Variants in HMBOX1 observed in about 807,000 individuals in gnomAD.
HMBOX1 encodes the protein homeobox-containing protein 1.
A neutral mutation model predicts 54.5 loss-of-function variants in HMBOX1; 14 were observed. That is an observed-to-expected ratio of 0.26 (90% CI 0.17 to 0.40). The LOEUF is 0.40. HMBOX1 is among the 10% of genes least tolerant of loss of function. HMBOX1 has a pLI of 1.00. For missense variants in HMBOX1, 332 were observed against 514.4 expected, an observed-to-expected ratio of 0.65 and a Z score of 3.43; for synonymous variants, 160 against 181.0, an observed-to-expected ratio of 0.88 and a Z score of 0.93.
At chr8:29,016,296 T>C (rs991976444) in intron 5 of HMBOX1, among the ~76,000 whole-genome samples, 16 of 152,106 alleles carry the variant, frequency 1.1e-4, no homozygotes, top group African/African-American at 3.6e-4. Flanking sequence ...GAACAACAGA[T>C]AGAAATTCAC....
Position 28,970,603 on chromosome 8 carries a change from T to G in HMBOX1, c.500+84T>G, listed in dbSNP as rs1586176885. 1 of 837,710 alleles carries G rather than the reference T, an allele frequency of 1.2e-6. No homozygotes were observed. Among genetic ancestry groups the G allele is most frequent in the East Asian group, 2.4e-5 (1 of 40,872 alleles). The allele number at this position is 837,710 out of a possible 1,614,324, so 51.9% of individuals were successfully genotyped here. A position where few individuals can be genotyped will look rare whatever the true frequency, so the allele number is the denominator to read the frequency against. On this transcript the variant is annotated intron_variant, in intron 3 of 9. Coordinates refer to ENST00000287701, the MANE Select transcript of HMBOX1 (RefSeq NM_001135726.3). This position sits in a 1 kb window ranked among gnomAD's most constrained non-coding sequence, Gnocchi z 4.3. Reference sequence around the variant, plus strand: ...AAGTAGTATGCTGCGTTTCAGCTACTTAGCTATAAGAACTGTAACTTCCTC... The same window carrying G: ...AAGTAGTATGCTGCGTTTCAGCTACGTAGCTATAAGAACTGTAACTTCCTC...
chr8:28,996,953 C>T (rs1278327103), intron 4 of HMBOX1, among the ~76,000 whole-genome samples: 1 of 152,050 alleles, frequency 6.6e-6, no homozygotes, highest in Non-Finnish European at 1.5e-5. Context: ...ATCTTATATT[C>T]TGCAACCATG....
intron 1 of HMBOX1, among the ~76,000 whole-genome samples, chr8:28,897,811 G>C (rs1209737859): frequency 1.3e-5 from 2 of 152,216 alleles, no homozygotes; most frequent in Non-Finnish European, 2.9e-5. Context: ...GTTTGGTTTT[G>C]ACAGTGTTAA....
intron 2 of HMBOX1, among the ~76,000 whole-genome samples, chr8:28,969,600 A>G (rs1250844251): frequency 6.6e-6 from 1 of 152,202 alleles, no homozygotes; most frequent in African/African-American, 2.4e-5. Flanking sequence ...TTTAGCTAAT[A>G]TTTGGTAAAT....
Position 29,007,984 on chromosome 8 carries a change from T to C in HMBOX1, c.587-1088T>C, listed in dbSNP as rs186050658. Among the ~76,000 whole-genome samples the C allele has an allele frequency of 4.6e-5, 7 of 152,310 alleles. No homozygotes were observed. The East Asian group carries it at 1.3e-3, about 29-fold the overall frequency. On this transcript the variant is annotated intron_variant, in intron 4 of 9. Coordinates refer to ENST00000287701, the MANE Select transcript of HMBOX1 (RefSeq NM_001135726.3). Reference sequence around the variant, plus strand: ...TGTGATCCCAGGACCTCCTGCTTTTTCTGATGCTAGAGGGTGTGATTACTT... The same window carrying C: ...TGTGATCCCAGGACCTCCTGCTTTTCCTGATGCTAGAGGGTGTGATTACTT...
At chr8:28,916,941 C>G (rs1160917535) in intron 1 of HMBOX1, among the ~76,000 whole-genome samples, 1 of 151,884 alleles carries the variant, frequency 6.6e-6, no homozygotes, top group Non-Finnish European at 1.5e-5. Flanking sequence ...GTGATGCATG[C>G]CTGTAGTCCC....
intron 8 of HMBOX1, 110 bp from the exon 9 acceptor site, chr8:29,048,844 C>G: frequency 1.4e-6 from 1 of 733,322 alleles, no homozygotes; most frequent in Non-Finnish European, 2.3e-6. Flanking sequence ...AATACAGGTT[C>G]TTGTTTAATT....
At chr8:28,947,204 ACT>A (rs1367361265) in intron 1 of HMBOX1, among the ~76,000 whole-genome samples, 2 of 152,094 alleles carry the variant, frequency 1.3e-5, no homozygotes, top group Admixed American at 6.5e-5. Flanking sequence ...CCCTAAAATA[ACT>A]CTCTATAGTA....
intron 5 of HMBOX1, among the ~76,000 whole-genome samples, chr8:29,015,467 T>A (rs973149386): frequency 6.6e-6 from 1 of 152,204 alleles, no homozygotes; most frequent in Non-Finnish European, 1.5e-5. Context: ...TTAGTCCTTT[T>A]CACCCTTGCT....
chr8:29,050,207 T>G, intron 9 of HMBOX1: 1 of 984,446 alleles, frequency 1.0e-6, no homozygotes, highest in Non-Finnish European at 1.2e-6. Context: ...TTAAGGGACT[T>G]ACCCTTTCCA....
intron 5 of HMBOX1, chr8:29,009,713 CA>C: frequency 7.8e-7 from 1 of 1,287,062 alleles, no homozygotes; most frequent in Non-Finnish European, 1.0e-6. Context: ...CTCCCAGGAG[CA>C]GCAGTAGATT....
At chr8:28,979,433 T>C (rs150739204) in intron 3 of HMBOX1, among the ~76,000 whole-genome samples, 146 of 152,364 alleles carry the variant, frequency 9.6e-4, no homozygotes, top group Non-Finnish European at 1.5e-3. Flanking sequence ...AGTATTCTTA[T>C]ATATAATACA....
intron 4 of HMBOX1, among the ~76,000 whole-genome samples, chr8:28,996,349 C>T (rs566604049): frequency 8.5e-5 from 13 of 152,072 alleles, no homozygotes; most frequent in African/African-American, 1.4e-4. Flanking sequence ...TCTGATAAAT[C>T]GCTTATCAGA....
intron 1 of HMBOX1, among the ~76,000 whole-genome samples, chr8:28,900,271 A>AATATATATATATATATATAT (rs1554519263): frequency 1.4e-4 from 10 of 70,326 alleles, no homozygotes; most frequent in African/African-American, 1.9e-4. Context: ...AAAAAAAAAA[A>AATATATATATATATATATAT]ATATATATAT....
intron 4 of HMBOX1, among the ~76,000 whole-genome samples, chr8:28,995,536 C>T (rs1282826493): frequency 6.6e-6 from 1 of 152,192 alleles, no homozygotes. Context: ...TGCTGGGTCA[C>T]ATGGTAATTC....
chr8:29,048,832 G>A (rs1028499273), intron 8 of HMBOX1, 122 bp from the exon 9 acceptor site: 16 of 703,118 alleles, frequency 2.3e-5, no homozygotes, highest in African/African-American at 2.1e-4. Context: ...CAAATGTAGA[G>A]AAATACAGGT....
intron 4 of HMBOX1, among the ~76,000 whole-genome samples, chr8:28,990,179 C>A (rs1830778409): frequency 6.6e-6 from 1 of 152,078 alleles, no homozygotes; most frequent in South Asian, 2.1e-4. Context: ...TTTCTTTCTT[C>A]TTTTTCCCCT....
intron 3 of HMBOX1, among the ~76,000 whole-genome samples, chr8:28,973,109 A>G (rs1827703418): frequency 6.6e-6 from 1 of 151,894 alleles, no homozygotes; most frequent in Non-Finnish European, 1.5e-5. Context: ...GCTTTCCTCC[A>G]TTGTGTCCCC....
intron 5 of HMBOX1, among the ~76,000 whole-genome samples, chr8:29,013,121 A>G (rs1361354385): frequency 6.6e-6 from 1 of 152,142 alleles, no homozygotes; most frequent in African/African-American, 2.4e-5. Flanking sequence ...TTCTCTTTGT[A>G]TACTTTGAGT....
Sources: allele counts gnomAD v4.1 joint callset (sites outside exome capture counted in the v4.1 genomes callset), GRCh38; gene constraint gnomAD v4.1.1; non-coding constraint Gnocchi (gnomAD v3.1); transcripts MANE v1.5; gene names NCBI Gene and HGNC (gene_info 2026-07-23, HGNC 2026-07-21).